Variants in COL4A5 observed in about 807,000 individuals in gnomAD.
COL4A5 encodes collagen alpha-5(IV) chain.
In COL4A5, 26 loss-of-function variants were observed where a neutral mutation model predicts 130.2. The observed-to-expected ratio is 0.20, with a 90% CI of 0.15 to 0.28. The LOEUF (loss-of-function observed/expected upper bound fraction) is 0.28, where lower values mean the gene tolerates loss of function less well. Ranked by LOEUF, COL4A5 falls within the 10% of genes least tolerant of loss-of-function variation. COL4A5 has a pLI of 1.00. For missense variants in COL4A5, 1,131 were observed against 1,344.3 expected, an observed-to-expected ratio of 0.84 and a Z score of 2.48; for synonymous variants, 496 against 439.6, an observed-to-expected ratio of 1.13 and a Z score of -1.60.
At chrX:108,602,888 G>A in intron 27 of COL4A5, 76 bp from the exon 28 acceptor site, 1 of 699,077 alleles carries the variant, frequency 1.4e-6, no homozygotes, top group Non-Finnish European at 2.2e-6. Context: ...TGAGTAGAAT[G>A]TGGGTTTGGG....
At chrX:108,492,751 A>C (rs775528154) in intron 1 of COL4A5, among the ~76,000 whole-genome samples, 22 of 111,703 alleles carry the variant, frequency 2.0e-4, no homozygotes, top group African/African-American at 7.1e-4. Context: ...CCTTAAGTTA[A>C]ATTTTAGTTT....
Position 108,692,766 on chromosome X carries a change from T to C in COL4A5, c.4547T>C (p.Leu1516Pro). Reference sequence around the variant, plus strand: ...TTTCTAGGGACGGCTGGCAGCTGCCTTCGTCGCTTTAGTACCATGCCTTTC... The same window carrying C: ...TTTCTAGGGACGGCTGGCAGCTGCCCTCGTCGCTTTAGTACCATGCCTTTC... ...GQDLGTAGSC[L>P]RRFSTMPFMF... Residue 1516 changes from leucine (L) to proline (P), a missense_variant, in exon 50 of 53, where the codon CTT (leucine) becomes CCT (proline). Transcript: ENST00000328300. The C allele has an allele frequency of 8.3e-7, 1 of 1,211,451 alleles. No homozygotes were observed. Among genetic ancestry groups the C allele is most frequent in the Non-Finnish European group, 1.1e-6 (1 of 895,301 alleles).
At chrX:108,520,568 A>G (rs1309768353) in intron 1 of COL4A5, among the ~76,000 whole-genome samples, 1 of 110,400 alleles carries the variant, frequency 9.1e-6, no homozygotes, top group Non-Finnish European at 1.9e-5. Flanking sequence ...TTCCTTGGGA[A>G]CCAAACCTTT....
intron 1 of COL4A5, among the ~76,000 whole-genome samples, chrX:108,508,158 G>A (rs2065144290): frequency 1.8e-5 from 2 of 110,831 alleles, no homozygotes; most frequent in Admixed American, 1.9e-4. Flanking sequence ...TGGCCCAGAA[G>A]CTCCTTCAGC....
At chrX:108,575,458 A>G (rs752356481) in intron 9 of COL4A5, among the ~76,000 whole-genome samples, 4 of 112,688 alleles carry the variant, frequency 3.5e-5, no homozygotes, top group Admixed American at 9.4e-5. Context: ...GCATTTTAAA[A>G]TTTCACTTAT....
chrX:108,601,880 C>T lies in COL4A5; in HGVS notation c.2042-5C>T, dbSNP rs746668421. The stretch of plus-strand genomic sequence containing the variant: ...TTCCTTTCAATAACTGCTGTTTCTC[C>T]ATAGGTGACCCTGGACTTCCAGGGC... On this transcript the variant is annotated splice_polypyrimidine_tract_variant and splice_region_variant and intron_variant, in intron 26 of 52. Transcript: ENST00000328300. 9.2e-6 allele frequency: 10 copies of T among 1,083,377 alleles called. No individual in the cohort carries two copies. The highest frequency in any genetic ancestry group is 2.0e-5 in the South Asian group (1 of 50,890). The allele number at this position is 1,083,377 out of a possible 1,213,427, so 89.3% of individuals were successfully genotyped here. A position where few individuals can be genotyped will look rare whatever the true frequency, so the allele number is the denominator to read the frequency against.
rs922110577 is a variant in COL4A5, at chrX:108,606,872, A to G, written c.2375A>G (p.Asp792Gly). 1 of 1,211,536 alleles carries G rather than the reference A, an allele frequency of 8.3e-7. No homozygotes were observed. The highest frequency in any genetic ancestry group is 1.7e-5 in the African/African-American group (1 of 57,773). ...GGTCCTCCAGGACGCACTGGCTTAG[A>G]TGGGCTCCCTGGACCAAAAGGTATG... ...PPGPPGRTGL[D>G]GLPGPKGDVG... The change falls in exon 29 of 53, where the codon GAT becomes GGT. Residue 792 changes from aspartate (D) to glycine (G), a missense_variant. Coordinates refer to ENST00000328300, the MANE Select transcript of COL4A5 (RefSeq NM_033380.3).
At chrX:108,689,534 T>C in intron 49 of COL4A5, 2 of 754,448 alleles carry the variant, frequency 2.7e-6, no homozygotes, top group Non-Finnish European at 3.1e-6. Flanking sequence ...TGGTACAGTT[T>C]AGGCCTCAGA....
In COL4A5 at chrX:108,640,473, A is replaced by G. The variant is rs1055500256; in HGVS notation, c.3246+14124A>G. Among the ~76,000 whole-genome samples, 19 of 111,286 alleles carry G rather than the reference A, an allele frequency of 1.7e-4. No homozygotes were observed. The Admixed American group carries it at 1.7e-3, about 10-fold the overall frequency. ...AAACTCTAGGGATCAAATGTACAGC[A>G]TGGGCACTATAGTTTAAAATATTGT... On this transcript the variant is annotated intron_variant, in intron 36 of 52. Transcript: ENST00000328300.
intron 47 of COL4A5, among the ~76,000 whole-genome samples, chrX:108,685,330 T>C (rs1225432906): frequency 8.9e-6 from 1 of 112,319 alleles, no homozygotes; most frequent in East Asian, 2.8e-4. Flanking sequence ...ACTAGTAGAA[T>C]ACCAGACCAC....
At chrX:108,452,499 A>C (rs371798182) in intron 1 of COL4A5, among the ~76,000 whole-genome samples, 4 of 111,282 alleles carry the variant, frequency 3.6e-5, no homozygotes, top group East Asian at 2.8e-4. Flanking sequence ...CTTTTATTTC[A>C]TTGAGCAGTG....
At chrX:108,621,196 A>G (rs2067041970) in intron 31 of COL4A5, among the ~76,000 whole-genome samples, 2 of 94,527 alleles carry the variant, frequency 2.1e-5, no homozygotes, top group Non-Finnish European at 2.0e-5. Context: ...TCTGTCACCC[A>G]GACTGGAGTG....
chrX:108,585,786 A>C (rs771529708), intron 18 of COL4A5, among the ~76,000 whole-genome samples: 79 of 111,620 alleles, frequency 7.1e-4, no homozygotes, highest in African/African-American at 2.4e-3. Flanking sequence ...AGAAATGATT[A>C]GTTAGTTGGG....
At chrX:108,618,618 T>C (rs2066978957) in intron 30 of COL4A5, among the ~76,000 whole-genome samples, 1 of 111,783 alleles carries the variant, frequency 8.9e-6, no homozygotes, top group Non-Finnish European at 1.9e-5. Flanking sequence ...ATGCCTAAAA[T>C]AAGTTTTTTC....
At chrX:108,595,660 A>G (rs944417022) in intron 22 of COL4A5, 59 bp downstream of exon 22, 2 of 990,037 alleles carry the variant, frequency 2.0e-6, no homozygotes. Context: ...TGTTGAGCTT[A>G]TACTTTTAGA....
chrX:108,453,504 G>T (rs1440464868), intron 1 of COL4A5, among the ~76,000 whole-genome samples: 1 of 111,077 alleles, frequency 9.0e-6, no homozygotes, highest in African/African-American at 3.3e-5. Flanking sequence ...CATTTAATGG[G>T]TTTATTGCCA....
At chrX:108,575,831 T>C (rs1414820150) in intron 9 of COL4A5, 79 bp from the exon 10 acceptor site, 7 of 713,805 alleles carry the variant, frequency 9.8e-6, no homozygotes, top group Non-Finnish European at 1.5e-5. Flanking sequence ...AAGTGAGACT[T>C]TGTGTAAAAA....
chrX:108,664,830 C>T (rs1037706389), intron 37 of COL4A5, among the ~76,000 whole-genome samples: 2 of 111,808 alleles, frequency 1.8e-5, no homozygotes, highest in Non-Finnish European at 3.8e-5. Flanking sequence ...CGTTAGCCAT[C>T]AGAGAAATGC....
chrX:108,605,469 A>G (rs1016290919), intron 28 of COL4A5, among the ~76,000 whole-genome samples: 2 of 112,020 alleles, frequency 1.8e-5, no homozygotes, highest in Admixed American at 1.9e-4. Context: ...CCCCAAAACA[A>G]TTATGTGGTA....
Sources: gnomAD v4.1 joint callset for allele counts (sites outside exome capture counted in the v4.1 genomes callset) on GRCh38, gnomAD v4.1.1 for gene constraint, MANE v1.5 for transcripts, NCBI Gene and HGNC (gene_info 2026-07-23, HGNC 2026-07-21) for gene names.